The following TAB2 variants were observed in gnomAD, a reference collection of about 807,000 sequenced individuals.
TAB2 encodes TGF-beta-activated kinase 1 and MAP3K7-binding protein 2.
In TAB2, 3 loss-of-function variants were observed where a neutral mutation model predicts 65.0. That is an observed-to-expected ratio of 0.05 (90% CI 0.02 to 0.12). The LOEUF is 0.12. TAB2 is among the 10% of genes least tolerant of loss of function. The probability of loss-of-function intolerance (pLI) is 1.00; values close to 1 mark genes in which losing one functional copy is unlikely to be tolerated. For missense variants in TAB2, 623 were observed against 840.3 expected, an observed-to-expected ratio of 0.74 and a Z score of 3.20; for synonymous variants, 298 against 285.1, an observed-to-expected ratio of 1.05 and a Z score of -0.46.
At chr6:149,289,478 A>G (rs781682037) in intron 1 of TAB2, among the ~76,000 whole-genome samples, 17 of 152,048 alleles carry the variant, frequency 1.1e-4, no homozygotes, top group Non-Finnish European at 2.2e-4. Flanking sequence ...AGAGACTGTG[A>G]GTCAGGGCCT....
chr6:149,406,036 C>T (rs1376921661), intron 6 of TAB2, among the ~76,000 whole-genome samples: 3 of 152,104 alleles, frequency 2.0e-5, no homozygotes, highest in Non-Finnish European at 4.4e-5. Flanking sequence ...GCTATACATC[C>T]ATAAAGTTGT....
At chr6:149,380,646 T>G (rs1051667632) in intron 3 of TAB2, among the ~76,000 whole-genome samples, 1 of 152,218 alleles carries the variant, frequency 6.6e-6, no homozygotes, top group African/African-American at 2.4e-5. Context: ...TATGCCAGTT[T>G]GTAGATGAAC....
chr6:149,218,258 G>C (rs766123073), upstream of TAB2, among the ~76,000 whole-genome samples: 2 of 152,134 alleles, frequency 1.3e-5, no homozygotes, highest in African/African-American at 4.8e-5. Context: ...TTTTGTACTC[G>C]GATAGGTTGG....
At chr6:149,219,858 T>C (rs1012693931) in intron 1 of TAB2, among the ~76,000 whole-genome samples, 1 of 152,212 alleles carries the variant, frequency 6.6e-6, no homozygotes, top group Non-Finnish European at 1.5e-5. Context: ...ATTCTCAATT[T>C]TTTTCAATGT....
intron 6 of TAB2, among the ~76,000 whole-genome samples, chr6:149,406,369 T>C (rs1400497050): frequency 6.6e-6 from 1 of 152,218 alleles, no homozygotes; most frequent in East Asian, 1.9e-4. Context: ...GTATGGTTAC[T>C]GTCATTGAGA....
chr6:149,337,738 A>T (rs955601621), intron 1 of TAB2, among the ~76,000 whole-genome samples: 2 of 152,188 alleles, frequency 1.3e-5, no homozygotes, highest in African/African-American at 4.8e-5. Context: ...TGAAATATTT[A>T]AAGTGGTTAT....
At chr6:149,347,563 G>A (rs1211372160) in intron 1 of TAB2, among the ~76,000 whole-genome samples, 2 of 152,074 alleles carry the variant, frequency 1.3e-5, no homozygotes, top group Non-Finnish European at 2.9e-5. Flanking sequence ...GATTATCTGT[G>A]TGAAATGATT....
At chr6:149,237,485 T>G (rs939430034) in intron 1 of TAB2, among the ~76,000 whole-genome samples, 6 of 152,184 alleles carry the variant, frequency 3.9e-5, no homozygotes, top group African/African-American at 1.4e-4. Flanking sequence ...TGCACCCCCA[T>G]GATGATACAA....
intron 1 of TAB2, among the ~76,000 whole-genome samples, chr6:149,325,830 C>T (rs576931382): frequency 5.0e-4 from 76 of 152,328 alleles, no homozygotes; most frequent in African/African-American, 1.4e-3. Context: ...GTCTTGACCT[C>T]CCAGGCTCAA....
rs142597547 is a variant in TAB2, at chr6:149,225,581, T to C, written c.-121+6805T>C. On this transcript the variant is annotated intron_variant, in intron 1 of 1. Transcript: ENST00000606202. ...GCAGGGCAAAGGACAGTTGGGGAAC[T>C]CCCTTTGGGCTTCCCTCCCTCTTGT... Among the ~76,000 whole-genome samples, 792 of 152,252 alleles carry C rather than the reference T, an allele frequency of 5.2e-3. 9 individuals are homozygous for C. The highest frequency in any genetic ancestry group is 0.018 in the African/African-American group (764 of 41,548).
At chr6:149,384,409 A>G (rs1781718190) in intron 3 of TAB2, among the ~76,000 whole-genome samples, 1 of 152,086 alleles carries the variant, frequency 6.6e-6, no homozygotes, top group Non-Finnish European at 1.5e-5. Flanking sequence ...AAACATCAAG[A>G]CCCCACTCAT....
At chr6:149,333,140 TAG>T (rs1373980424) in intron 1 of TAB2, among the ~76,000 whole-genome samples, 2 of 152,246 alleles carry the variant, frequency 1.3e-5, no homozygotes, top group Non-Finnish European at 2.9e-5. Flanking sequence ...CACAGACTAC[TAG>T]AGTTTAGAGC....
intron 1 of TAB2, among the ~76,000 whole-genome samples, chr6:149,237,663 G>A (rs1777520043): frequency 6.6e-6 from 1 of 152,154 alleles, no homozygotes; most frequent in Non-Finnish European, 1.5e-5. Flanking sequence ...GTGGCTGGCA[G>A]CTACTACTTC....
intron 1 of TAB2, chr6:149,257,557 G>A (rs535625271): frequency 6.6e-6 from 1 of 152,238 alleles, no homozygotes; most frequent in African/African-American, 2.4e-5. Flanking sequence ...CTTCCAGACT[G>A]GGCAAGTCAG....
At chr6:149,374,442 C>T (rs924236402) in intron 2 of TAB2, among the ~76,000 whole-genome samples, 3 of 152,128 alleles carry the variant, frequency 2.0e-5, no homozygotes, top group African/African-American at 7.2e-5. Flanking sequence ...AGTCTGGTGT[C>T]AAACTCCTGG....
At chr6:149,363,509 T>G (rs1381524569) in intron 1 of TAB2, among the ~76,000 whole-genome samples, 1 of 152,206 alleles carries the variant, frequency 6.6e-6, no homozygotes, top group Non-Finnish European at 1.5e-5. Flanking sequence ...TTTTTAAAGT[T>G]TCATTACAGG....
At position 149,383,605 on chromosome 6, in the gene TAB2, G is replaced by C. The variant is rs192282921; in HGVS notation, c.1603+4087G>C. 2.4e-3 allele frequency among the ~76,000 whole-genome samples: 364 copies of C among 152,058 alleles called. 3 individuals carry two copies. The highest frequency in any genetic ancestry group is 8.4e-3 in the African/African-American group (350 of 41,504). On this transcript the variant is annotated intron_variant, in intron 3 of 6. Coordinates refer to ENST00000637181, the MANE Select transcript of TAB2 (RefSeq NM_001292034.3). Reference sequence around the variant, plus strand: ...CAGTAACACAGTCTTTTTTTTCTGAGATAGAGTCTCACTGTCATCCAGGCT... The same window carrying C: ...CAGTAACACAGTCTTTTTTTTCTGACATAGAGTCTCACTGTCATCCAGGCT...
chr6:149,254,925 A>G (rs1187688222), intron 1 of TAB2, among the ~76,000 whole-genome samples: 1 of 152,238 alleles, frequency 6.6e-6, no homozygotes, highest in Non-Finnish European at 1.5e-5. Flanking sequence ...TTTAGATGAT[A>G]CTTAGATGAG....
At chr6:149,380,188 C>G (rs1260539788) in intron 3 of TAB2, 3 of 224,288 alleles carry the variant, frequency 1.3e-5, no homozygotes, top group African/African-American at 7.0e-5. Context: ...TTAGAGTGAA[C>G]TGTGACCATA....
Sources: allele counts gnomAD v4.1 joint callset (sites outside exome capture counted in the v4.1 genomes callset), GRCh38; gene constraint gnomAD v4.1.1; transcripts MANE v1.5; gene names NCBI Gene and HGNC (gene_info 2026-07-23, HGNC 2026-07-21).